The following STXBP4 variants were observed in gnomAD, a reference collection of about 807,000 sequenced individuals.
STXBP4 encodes syntaxin-binding protein 4.
Under a neutral mutation model 76.1 loss-of-function variants are expected in STXBP4, and 55 were observed. The observed-to-expected ratio is 0.72, with a 90% CI of 0.58 to 0.91. The LOEUF (loss-of-function observed/expected upper bound fraction) is 0.91. Ranked by LOEUF, STXBP4 falls within the 40% of genes least tolerant of loss-of-function variation. The pLI, the probability that STXBP4 is intolerant of heterozygous loss-of-function variation, is 0.00. For synonymous variants in STXBP4, 201 were observed against 220.2 expected (o/e 0.91, Z 0.77); for missense variants, 618 against 636.9 (o/e 0.97, Z 0.32).
chr17:54,991,052 A>G (rs2077708774), intron 4 of STXBP4, 95 bp downstream of exon 4: 1 of 1,333,458 alleles, frequency 7.5e-7, no homozygotes, highest in Non-Finnish European at 9.8e-7. Flanking sequence ...ATTTATATCC[A>G]CTGTGACCAT....
chr17:55,189,822 GACTGTAAATTGGATTAA>G, the STXBP4 span, among the ~76,000 whole-genome samples: 6 of 152,212 alleles, frequency 3.9e-5, no homozygotes, highest in African/African-American at 1.4e-4. Flanking sequence ...TGGGAAGAGT[GACTGTAAATTGGATTAA>G]ACCTGGGTTA....
Position 55,081,195 on chromosome 17 carries a change from G to A in STXBP4, c.1489+12G>A. ...ACTTGATATGGATTGTAAGTTTTCT[G>A]CATTTTTTCACTTTTTAAAAGTAAT... On this transcript the variant is annotated intron_variant, in intron 16 of 17. Coordinates refer to ENST00000376352, the MANE Select transcript of STXBP4 (RefSeq NM_178509.6). 7.0e-7 allele frequency: 1 copy of A among 1,432,458 alleles called. No individual in the cohort carries two copies. 88.7% of individuals were successfully genotyped at this position (1,432,458 alleles called of 1,614,324 possible). A position where few individuals can be genotyped will look rare whatever the true frequency, so the allele number is the denominator to read the frequency against.
intron 3 of STXBP4, among the ~76,000 whole-genome samples, chr17:54,989,567 C>T (rs2077683033): frequency 6.6e-6 from 1 of 152,128 alleles, no homozygotes; most frequent in Non-Finnish European, 1.5e-5. Flanking sequence ...GTTAACCTAT[C>T]TGAATTTTGG....
chr17:55,159,153 G>A (rs898083782), intron 17 of STXBP4, among the ~76,000 whole-genome samples: 5 of 152,176 alleles, frequency 3.3e-5, no homozygotes, highest in East Asian at 1.9e-4. Context: ...GCTGAGGCAC[G>A]AGAATTCCTT....
At chr17:55,150,862 G>A (rs1336952235) in intron 17 of STXBP4, among the ~76,000 whole-genome samples, 1 of 152,154 alleles carries the variant, frequency 6.6e-6, no homozygotes, top group East Asian at 1.9e-4. Flanking sequence ...AAAGTTGCAG[G>A]TAGAATTAAG....
chr17:55,088,316 T>C (rs1245963022), intron 16 of STXBP4, among the ~76,000 whole-genome samples: 1 of 152,212 alleles, frequency 6.6e-6, no homozygotes, highest in African/African-American at 2.4e-5. Flanking sequence ...TTCTTCTTAA[T>C]ATAAGTGTTC....
intron 12 of STXBP4, among the ~76,000 whole-genome samples, chr17:55,053,358 C>T (rs1295267441): frequency 6.6e-6 from 1 of 151,954 alleles, no homozygotes; most frequent in Non-Finnish European, 1.5e-5. Context: ...TTTATATATA[C>T]ATGTGTGTTA....
At chr17:55,049,545 G>C (rs12450558) in intron 12 of STXBP4, among the ~76,000 whole-genome samples, 11,284 of 151,922 alleles carry the variant, frequency 0.074, 544 homozygotes, top group Middle Eastern at 0.13. Flanking sequence ...GGTAAAAATA[G>C]AGGAGATAGC....
At chr17:55,093,435 A>G (rs1404449219) in intron 16 of STXBP4, among the ~76,000 whole-genome samples, 2 of 152,212 alleles carry the variant, frequency 1.3e-5, no homozygotes, top group Admixed American at 6.5e-5. Flanking sequence ...AGCTTATTAT[A>G]TGATTCTGTG....
At chr17:55,183,179 A>G in the STXBP4 span, among the ~76,000 whole-genome samples, 1 of 152,226 alleles carries the variant, frequency 6.6e-6, no homozygotes, top group African/African-American at 2.4e-5. Context: ...AAAGAGGGTA[A>G]AAACTACCAA....
chr17:55,091,112 C>T (rs1475689192), intron 16 of STXBP4, among the ~76,000 whole-genome samples: 2 of 152,012 alleles, frequency 1.3e-5, no homozygotes, highest in Admixed American at 1.3e-4. Context: ...TTAAATTGCT[C>T]ATGTATTAGG....
rs2080403701 is a variant in STXBP4, at chr17:55,171,081, AC to A, written c.*11171del. ...GGACCTATTTTTTTCTGCCTTGAAAACTTTTGTGCAGTAAAACCAGCAATGG... is the reference window on the plus strand; with the variant it reads ...GGACCTATTTTTTTCTGCCTTGAAAATTTTGTGCAGTAAAACCAGCAATGG... On this transcript the variant is annotated 3_prime_UTR_variant, in exon 18 of 18. Transcript: ENST00000376352. 6.6e-6 allele frequency: 1 copy of A among 152,156 alleles called. No individual in the cohort carries two copies. Among genetic ancestry groups the A allele is most frequent in the Admixed American group, 6.5e-5 (1 of 15,270 alleles). 9.4% of individuals were successfully genotyped at this position (152,156 alleles called of 1,614,324 possible).
At chr17:55,183,832 G>T in the STXBP4 span, among the ~76,000 whole-genome samples, 1 of 152,146 alleles carries the variant, frequency 6.6e-6, no homozygotes, top group African/African-American at 2.4e-5. Context: ...TTGCCAGGTA[G>T]CTGTGGCAAT....
intron 1 of STXBP4, among the ~76,000 whole-genome samples, chr17:54,978,321 T>C (rs750283335): frequency 8.5e-5 from 12 of 140,792 alleles, no homozygotes; most frequent in Non-Finnish European, 1.9e-4. Context: ...CTCTTCCCAA[T>C]GCAATAAAAA....
intron 8 of STXBP4, among the ~76,000 whole-genome samples, chr17:55,014,010 T>A (rs958421725): frequency 2.0e-5 from 3 of 152,186 alleles, no homozygotes; most frequent in African/African-American, 7.2e-5. Context: ...AACGGCCTCA[T>A]TGATAATCCT....
intron 6 of STXBP4, chr17:55,000,374 G>A (rs1370296214): frequency 1.9e-6 from 1 of 529,726 alleles, no homozygotes; most frequent in African/African-American, 2.1e-5. Flanking sequence ...TATATTATCT[G>A]AACAAATTAC....
At chr17:55,179,875 A>G in the STXBP4 span, among the ~76,000 whole-genome samples, 1 of 152,178 alleles carries the variant, frequency 6.6e-6, no homozygotes, top group Non-Finnish European at 1.5e-5. Context: ...TGGATTTCTG[A>G]CTGCAGCAGT....
intron 4 of STXBP4, among the ~76,000 whole-genome samples, chr17:54,992,347 A>G (rs1485691826): frequency 6.6e-6 from 1 of 151,632 alleles, no homozygotes; most frequent in Non-Finnish European, 1.5e-5. Context: ...AGCCCCGAAG[A>G]TCAAGAGCAG....
intron 17 of STXBP4, among the ~76,000 whole-genome samples, chr17:55,153,752 G>A (rs909699601): frequency 1.1e-4 from 16 of 152,070 alleles, no homozygotes; most frequent in Non-Finnish European, 1.5e-4. Context: ...ACTTCTACTC[G>A]CAGGGGGAAT....
Sources: allele counts gnomAD v4.1 joint callset (sites outside exome capture counted in the v4.1 genomes callset), GRCh38; gene constraint gnomAD v4.1.1; transcripts MANE v1.5; gene names NCBI Gene and HGNC (gene_info 2026-07-23, HGNC 2026-07-21).